The following ZP4 variants were observed in gnomAD, a reference collection of about 807,000 sequenced individuals.
ZP4 encodes the protein zona pellucida sperm-binding protein 4.
ZP4 carries 62 observed loss-of-function variants against 62.3 expected under a neutral mutation model. That is an observed-to-expected ratio of 0.99 (90% confidence interval 0.81 to 1.23). The LOEUF (loss-of-function observed/expected upper bound fraction) is 1.23. Ranked by LOEUF, ZP4 falls within the 50% of genes most tolerant of loss-of-function variation. The probability of loss-of-function intolerance (pLI) is 0.00; values close to 1 mark genes in which losing one functional copy is unlikely to be tolerated. For synonymous variants in ZP4, 289 were observed against 247.3 expected, an observed-to-expected ratio of 1.17 and a Z score of -1.58; for missense variants, 774 against 656.0, an observed-to-expected ratio of 1.18 and a Z score of -1.97.
chr1:237,886,395 T>C (rs935678033), intron 6 of ZP4, among the ~76,000 whole-genome samples: 40 of 152,198 alleles, frequency 2.6e-4, no homozygotes, highest in African/African-American at 9.4e-4. Context: ...ATTTTTTTTT[T>C]TTGTCCATGG....
intron 1 of ZP4, 88 bp downstream of exon 1, chr1:237,890,373 G>A (rs1665211862): frequency 4.0e-6 from 6 of 1,514,742 alleles, no homozygotes; most frequent in African/African-American, 1.4e-5. Flanking sequence ...GAAGGTGAAA[G>A]TATCAATACG....
At chr1:237,886,914 T>C (rs754440735) in intron 5 of ZP4, 46 bp from the exon 6 acceptor site, 14 of 1,547,768 alleles carry the variant, frequency 9.0e-6, no homozygotes, top group African/African-American at 1.4e-5. Flanking sequence ...GTTAGTGTTA[T>C]GCTGCTTGAC....
chr1:237,883,991 C>CACACACACAAACAA (rs1558530799), intron 10 of ZP4, among the ~76,000 whole-genome samples: 1 of 48,418 alleles, frequency 2.1e-5, no homozygotes, highest in African/African-American at 7.2e-5. Flanking sequence ...CAAACACACA[C>CACACACACAAACAA]ACACACACAC....
chr1:237,887,703 A>G (rs1665138606), intron 4 of ZP4, 142 bp from the exon 5 acceptor site: 2 of 799,198 alleles, frequency 2.5e-6, no homozygotes, highest in Non-Finnish European at 3.9e-6. Context: ...TGCAAGATCA[A>G]CCAACCACAG....
At position 237,886,801 on chromosome 1, in the gene ZP4, C is replaced by T. The variant is rs186053005; in HGVS notation, c.809G>A (p.Arg270His). The change falls in exon 6 of 12, where the codon CGT (arginine) becomes CAT (histidine). Residue 270 changes from arginine to histidine, a missense_variant. Coordinates refer to ENST00000366570, the MANE Select transcript of ZP4 (RefSeq NM_021186.5). ...GATGCTGTCACGAGTGACAGAGCCA[C>T]GGCTCCCATTTTTCACATCCCTAGT... is the stretch of plus-strand genomic sequence containing the variant. ...VATRDVKNGS[R>H]GSVTRDSIFR... 26 of 1,614,068 alleles carry T rather than the reference C, an allele frequency of 1.6e-5. 1 individual carries two copies. In the East Asian group the frequency reaches 2.7e-4, roughly 17 times the overall value.
intron 3 of ZP4, among the ~76,000 whole-genome samples, chr1:237,888,864 G>T (rs1270886455): frequency 6.6e-6 from 1 of 152,162 alleles, no homozygotes; most frequent in Non-Finnish European, 1.5e-5. Flanking sequence ...GTTATCTGAA[G>T]ATTGTTTTTG....
chr1:237,885,729 C>T (rs1665086265), intron 7 of ZP4, 27 bp downstream of exon 7: 1 of 1,612,750 alleles, frequency 6.2e-7, no homozygotes, highest in Non-Finnish European at 8.5e-7. Context: ...GACTATAGGC[C>T]AGATACTCCA....
intron 6 of ZP4, 75 bp downstream of exon 6, chr1:237,886,696 C>G: frequency 8.0e-7 from 1 of 1,251,192 alleles, no homozygotes; most frequent in Non-Finnish European, 1.1e-6. Flanking sequence ...GAGGAATGCT[C>G]ATTTGTGGAT....
chr1:237,886,634 T>G (rs1665108327), intron 6 of ZP4, 137 bp downstream of exon 6: 4 of 656,044 alleles, frequency 6.1e-6, no homozygotes, highest in East Asian at 2.8e-5. Flanking sequence ...AATCAAGTAA[T>G]GGGCAGTGCA....
At position 237,888,392 on chromosome 1, in the gene ZP4, A is replaced by G. The variant is rs761063126; in HGVS notation, c.519T>C (p.Ser173=). The change falls in exon 4 of 12, where the codon TCT becomes TCC. Residue 173 remains serine, a synonymous_variant. Coordinates refer to ENST00000366570, the MANE Select transcript of ZP4 (RefSeq NM_021186.5). ...CATAGTAGCAGGAATTCACCTCTTCAGAGCTATAACAACAGCCTAGCCCTT... is the reference window on the plus strand; with the variant it reads ...CATAGTAGCAGGAATTCACCTCTTCGGAGCTATAACAACAGCCTAGCCCTT... ...DCEGLGCCYS[S]EEVNSCYYGN... is the part of the protein sequence containing the mutation. 6.2e-7 allele frequency: 1 copy of G among 1,603,264 alleles called. No individual in the cohort carries two copies. Among genetic ancestry groups the G allele is most frequent in the South Asian group, 1.1e-5 (1 of 89,796 alleles).
At chr1:237,882,611 C>A (rs549553469) in intron 11 of ZP4, 62 bp from the exon 12 acceptor site, 1 of 1,569,830 alleles carries the variant, frequency 6.4e-7, no homozygotes, top group South Asian at 1.2e-5. Flanking sequence ...TGTGTCCTGA[C>A]AAAGACTAGC....
chr1:237,883,885 A>C (rs559977367), intron 10 of ZP4, among the ~76,000 whole-genome samples: 7 of 151,438 alleles, frequency 4.6e-5, no homozygotes, highest in African/African-American at 1.7e-4. Flanking sequence ...ACCTGAGCTC[A>C]GGAGGTCGAG....
At position 237,884,039 on chromosome 1, in the gene ZP4, CACAAACACACACAA is replaced by C. The variant is rs1558531233; in HGVS notation, c.1390+716_1390+729del. Among the ~76,000 whole-genome samples the C allele has an allele frequency of 4.0e-4, 47 of 118,542 alleles. 1 individual carries two copies. The highest frequency in any genetic ancestry group is 1.2e-3 in the African/African-American group (26 of 22,406). 77.8% of individuals were successfully genotyped at this position (118,542 alleles called of 152,430 possible). The stretch of plus-strand genomic sequence containing the variant: ...ACAAACACACACACACACAAACACA[CACAAACACACACAA>C]ACACACACAAACACACACAAACACA... On this transcript the variant is annotated intron_variant, in intron 10 of 11. Coordinates refer to ENST00000366570, the MANE Select transcript of ZP4 (RefSeq NM_021186.5).
chr1:237,888,529 T>A lies in ZP4; in HGVS notation c.401-19A>T, dbSNP rs1665162803. 3 of 1,575,366 alleles carry A rather than the reference T, an allele frequency of 1.9e-6. No homozygotes were observed. The African/African-American group carries it at 4.1e-5, about 21-fold the overall frequency. On this transcript the variant is annotated intron_variant, in intron 3 of 11. Coordinates refer to ENST00000366570, the MANE Select transcript of ZP4 (RefSeq NM_021186.5). ...TCTCGGGCTAGGTTTTGAAAAAGAG[T>A]AAGTCAGGTTAGATAATGGAAAAGT...
chr1:237,884,861 G>T lies in ZP4; in HGVS notation c.1312-14C>A. On this transcript the variant is annotated splice_polypyrimidine_tract_variant and intron_variant, in intron 9 of 11. Coordinates refer to ENST00000366570, the MANE Select transcript of ZP4 (RefSeq NM_021186.5). ...GTGCAGATGCACCTGGGAGCCAACA[G>T]AATTCAGGTCATTTGTAGTATCACC... 2 of 1,611,646 alleles carry T rather than the reference G, an allele frequency of 1.2e-6. No homozygotes were observed. The highest frequency in any genetic ancestry group is 1.7e-6 in the Non-Finnish European group (2 of 1,178,738).
chr1:237,883,203 A>T (rs1253668029), intron 10 of ZP4, among the ~76,000 whole-genome samples: 1 of 152,176 alleles, frequency 6.6e-6, no homozygotes, highest in Non-Finnish European at 1.5e-5. Context: ...CAATTTAATG[A>T]GTTTAGATCT....
At chr1:237,889,828 C>G (rs775331751) in intron 3 of ZP4, 39 bp downstream of exon 3, 1 of 1,472,162 alleles carries the variant, frequency 6.8e-7, no homozygotes, top group Non-Finnish European at 9.5e-7. Context: ...ACCCCACCCC[C>G]ACCACCCCCA....
chr1:237,883,658 GA>G (rs1187614629), intron 10 of ZP4, among the ~76,000 whole-genome samples: 3 of 5,358 alleles, frequency 5.6e-4, no homozygotes, highest in Admixed American at 3.3e-3. Context: ...GAGGGCGGGG[GA>G]GGGCCGGGGG....
rs368232358 is a variant in ZP4, at chr1:237,885,851, T to C, written c.875A>G (p.Asn292Ser). The change falls in exon 7 of 12, where the codon AAC (asparagine) becomes AGC (serine). Residue 292 changes from asparagine to serine, a missense_variant. Asn to Ser is a conservative substitution (Grantham distance 46). Transcript: ENST00000366570. ...AACCTGGACATTGATTGGGAGAGAGTTGCTACTTACTGAGTAGCTGCAGCT... is the reference window on the plus strand; with the variant it reads ...AACCTGGACATTGATTGGGAGAGAGCTGCTACTTACTGAGTAGCTGCAGCT... ...HVSCSYSVSSNSLPINVQVFT... is the reference protein window; with the variant it reads ...HVSCSYSVSSSSLPINVQVFT... 9 of 1,613,904 alleles carry C rather than the reference T, an allele frequency of 5.6e-6. No individual in the cohort carries two copies. The highest frequency in any genetic ancestry group is 1.6e-4 in the Middle Eastern group (1 of 6,062).
Sources: allele counts gnomAD v4.1 joint callset (sites outside exome capture counted in the v4.1 genomes callset), GRCh38; gene constraint gnomAD v4.1.1; transcripts MANE v1.5; gene names NCBI Gene and HGNC (gene_info 2026-07-23, HGNC 2026-07-21).